The following ANKRD27 variants were observed in gnomAD, a reference collection of about 807,000 sequenced individuals.
The protein encoded by ANKRD27 is ankyrin repeat domain-containing protein 27.
Under a neutral mutation model 129.7 loss-of-function variants are expected in ANKRD27, and 112 were observed. The ratio of observed to expected loss-of-function variants is 0.86; its 90% confidence interval spans 0.74 to 1.01. The LOEUF (loss-of-function observed/expected upper bound fraction) is 1.01. Ranked by LOEUF, ANKRD27 falls within the 50% of genes least tolerant of loss-of-function variation. ANKRD27 has a pLI of 0.00. For missense variants in ANKRD27, 1,258 were observed against 1,300.5 expected, an observed-to-expected ratio of 0.97 and a Z score of 0.50; for synonymous variants, 516 against 511.2, an observed-to-expected ratio of 1.01 and a Z score of -0.13.
chr19:32,674,361 C>G (rs1245693183), intron 1 of ANKRD27, among the ~76,000 whole-genome samples: 3 of 152,108 alleles, frequency 2.0e-5, no homozygotes, highest in Non-Finnish European at 4.4e-5. Context: ...AAATCCTCAG[C>G]GAAGACCCGT....
chr19:32,659,310 A>ACCAGCAG (rs1307232358), intron 1 of ANKRD27, among the ~76,000 whole-genome samples: 1 of 151,908 alleles, frequency 6.6e-6, no homozygotes, highest in Non-Finnish European at 1.5e-5. Context: ...TGAACTCCTG[A>ACCAGCAG]CCAGCAGGTG....
intron 2 of ANKRD27, chr19:32,654,893 T>G (rs562132988): frequency 6.6e-6 from 1 of 152,374 alleles, no homozygotes; most frequent in East Asian, 1.9e-4. Context: ...TAGATTCTCA[T>G]GCCTCAGCCA....
At chr19:32,602,244 A>G in intron 25 of ANKRD27, 118 bp from the exon 26 acceptor site, 1 of 667,088 alleles carries the variant, frequency 1.5e-6, no homozygotes, top group Non-Finnish European at 2.5e-6. Context: ...CTCAGAAATA[A>G]TTACAAATGG....
At chr19:32,630,058 A>C (rs1193787213) in intron 13 of ANKRD27, among the ~76,000 whole-genome samples, 3 of 152,020 alleles carry the variant, frequency 2.0e-5, no homozygotes, top group Non-Finnish European at 4.4e-5. Flanking sequence ...GCACACCACC[A>C]TGCCCAGCTT....
chr19:32,659,327 C>T (rs1312880723), intron 1 of ANKRD27, among the ~76,000 whole-genome samples: 2 of 152,016 alleles, frequency 1.3e-5, no homozygotes, highest in Non-Finnish European at 2.9e-5. Flanking sequence ...GGTGATCTGC[C>T]CGCCTCAGCC....
chr19:32,660,038 C>G (rs1255760857), intron 1 of ANKRD27, among the ~76,000 whole-genome samples: 2 of 152,204 alleles, frequency 1.3e-5, no homozygotes, highest in Non-Finnish European at 2.9e-5. Flanking sequence ...GCAGGAGGAT[C>G]CGCTTAAGAC....
chr19:32,629,974 C>T (rs1966964261), intron 13 of ANKRD27, among the ~76,000 whole-genome samples: 1 of 151,714 alleles, frequency 6.6e-6, no homozygotes, highest in South Asian at 2.1e-4. Flanking sequence ...ACAATCAGAG[C>T]TCACTGCAGC....
intron 2 of ANKRD27, among the ~76,000 whole-genome samples, chr19:32,657,558 G>A (rs189856733): frequency 2.0e-5 from 3 of 151,890 alleles, no homozygotes; most frequent in Non-Finnish European, 4.4e-5. Context: ...GGGAGGCAGA[G>A]GTTGCAGAGA....
At chr19:32,670,047 C>G (rs259276) in intron 1 of ANKRD27, among the ~76,000 whole-genome samples, 120,936 of 150,762 alleles carry the variant, frequency 0.8, 48,928 homozygotes, top group African/African-American at 0.91. Flanking sequence ...AGGGGATGAA[C>G]TAGAGGATGG....
At chr19:32,624,141 C>T (rs1454359448) in intron 17 of ANKRD27, among the ~76,000 whole-genome samples, 2 of 151,614 alleles carry the variant, frequency 1.3e-5, no homozygotes, top group Non-Finnish European at 2.9e-5. Flanking sequence ...CTGAGGCAGG[C>T]GGATCACTTG....
chr19:32,638,929 G>A (rs186567454), intron 12 of ANKRD27: 16 of 263,770 alleles, frequency 6.1e-5, no homozygotes, highest in African/African-American at 2.0e-4. Context: ...GGCCAAGAGC[G>A]TGAAATGAGC....
chr19:32,631,781 C>T (rs185229442), intron 12 of ANKRD27, among the ~76,000 whole-genome samples: 9 of 152,316 alleles, frequency 5.9e-5, no homozygotes, highest in Admixed American at 4.6e-4. Flanking sequence ...TGGAATGCGG[C>T]GCACACACAC....
intron 1 of ANKRD27, among the ~76,000 whole-genome samples, chr19:32,664,452 T>C (rs149838984): frequency 0.037 from 5,649 of 151,670 alleles, 122 homozygotes; most frequent in Middle Eastern, 0.072. Flanking sequence ...AAACCCCGTC[T>C]CTATAAAAAT....
chr19:32,645,076 T>G (rs1329802002), intron 4 of ANKRD27, among the ~76,000 whole-genome samples: 5 of 152,194 alleles, frequency 3.3e-5, no homozygotes, highest in Non-Finnish European at 7.3e-5. Flanking sequence ...TAGGTCTCCA[T>G]GTGGCTCTTG....
At chr19:32,622,344 C>T (rs752758603) in intron 18 of ANKRD27, 78 bp downstream of exon 18, 115 of 1,503,092 alleles carry the variant, frequency 7.7e-5, no homozygotes, top group Non-Finnish European at 1.0e-4. Flanking sequence ...CACAATTTGT[C>T]TAGTAGGCCA....
intron 15 of ANKRD27, 80 bp downstream of exon 15, chr19:32,628,003 G>T: frequency 7.4e-7 from 1 of 1,343,186 alleles, no homozygotes; most frequent in Non-Finnish European, 1.1e-6. Flanking sequence ...CAGCCCATCA[G>T]CCAGGCCTCT....
rs766996842 is a variant in ANKRD27, at chr19:32,600,879, TA to T, written c.2768-830del. On this transcript the variant is annotated intron_variant, in intron 26 of 28. Coordinates refer to ENST00000306065, the MANE Select transcript of ANKRD27 (RefSeq NM_032139.3). ...CTGGATAATATTTCATATTGTAAAT[TA>T]AAAAAAAAAGTAGAACAAGGACCCC... Among the ~76,000 whole-genome samples, 162 of 148,550 alleles carry T rather than the reference TA, an allele frequency of 1.1e-3. 2 individuals carry two copies. In the East Asian group the frequency reaches 0.02, roughly 18 times the overall value.
chr19:32,625,543 G>A (rs1165589982), intron 17 of ANKRD27, among the ~76,000 whole-genome samples: 2 of 150,654 alleles, frequency 1.3e-5, no homozygotes, highest in Non-Finnish European at 2.9e-5. Context: ...TGATTCTCAT[G>A]CCTCAGACTC....
intron 17 of ANKRD27, among the ~76,000 whole-genome samples, chr19:32,624,630 C>T (rs929837434): frequency 1.6e-4 from 25 of 152,208 alleles, no homozygotes; most frequent in Non-Finnish European, 2.8e-4. Flanking sequence ...ATGGAAATTA[C>T]GCAATTCTTG....
Sources: allele counts gnomAD v4.1 joint callset (sites outside exome capture counted in the v4.1 genomes callset), GRCh38; gene constraint gnomAD v4.1.1; transcripts MANE v1.5; gene names NCBI Gene and HGNC (gene_info 2026-07-23, HGNC 2026-07-21).